CCDC14: variants seen among roughly 807,000 people sequenced by gnomAD.
CCDC14 encodes the protein coiled-coil domain-containing protein 14.
In CCDC14, 71 loss-of-function variants were observed where a neutral mutation model predicts 81.4. The observed-to-expected ratio is 0.87, with a 90% CI of 0.72 to 1.06. CCDC14 has a LOEUF of 1.06. CCDC14 is among the 50% of genes least tolerant of loss of function. The pLI is 0.00. For synonymous variants in CCDC14, 332 were observed against 364.8 expected (o/e 0.91, Z 1.03); for missense variants, 1,046 against 1,047.3 (o/e 1.00, Z 0.02).
downstream of CCDC14, among the ~76,000 whole-genome samples, chr3:123,896,879 T>C (rs934961712): frequency 6.6e-6 from 1 of 152,296 alleles, no homozygotes; most frequent in African/African-American, 2.4e-5. Flanking sequence ...TATATAAGAA[T>C]AAGATAATAG....
chr3:123,895,763 A>AT (rs1430237657), downstream of CCDC14, among the ~76,000 whole-genome samples: 1 of 152,212 alleles, frequency 6.6e-6, no homozygotes, highest in East Asian at 1.9e-4. Flanking sequence ...AAGGCTAATT[A>AT]TTTGTTTAGA....
At chr3:123,940,117 C>T (rs988013174) in intron 9 of CCDC14, among the ~76,000 whole-genome samples, 10 of 151,208 alleles carry the variant, frequency 6.6e-5, no homozygotes, top group African/African-American at 2.4e-4. Context: ...AATTTAGTAG[C>T]AATTAAAACA....
chr3:123,935,253 T>A (rs1047560319), intron 9 of CCDC14, among the ~76,000 whole-genome samples: 1 of 152,048 alleles, frequency 6.6e-6, no homozygotes, highest in Non-Finnish European at 1.5e-5. Context: ...TTGACAAAAA[T>A]AAAAAGAAAT....
At chr3:123,902,117 T>TA (rs1340902416) in intron 5 of CCDC14, among the ~76,000 whole-genome samples, 11 of 152,108 alleles carry the variant, frequency 7.2e-5, no homozygotes, top group Non-Finnish European at 1.0e-4. Context: ...ATAATGATAC[T>TA]AAAAAAACCA....
At chr3:123,953,639 T>G (rs771218263) in intron 5 of CCDC14, 6 of 152,154 alleles carry the variant, frequency 3.9e-5, no homozygotes, top group African/African-American at 7.2e-5. Flanking sequence ...TTGGGTTCAA[T>G]CCAATGGGAG....
chr3:123,891,175 A>C, the CCDC14 span, among the ~76,000 whole-genome samples: 3 of 152,290 alleles, frequency 2.0e-5, no homozygotes, highest in Admixed American at 2.0e-4. Flanking sequence ...CTGGTCCATG[A>C]AACCACGTTT....
At chr3:123,893,334 T>A (rs1236283485), downstream of CCDC14, among the ~76,000 whole-genome samples, 2 of 152,202 alleles carry the variant, frequency 1.3e-5, no homozygotes, top group Non-Finnish European at 2.9e-5. Flanking sequence ...CATATAATAT[T>A]TATCCTTTTG....
rs562436933 is a variant in CCDC14 at position 123,957,425 on chromosome 3, G to A, written c.31-630C>T. The A allele has an allele frequency of 2.0e-5, 3 of 152,178 alleles. No homozygotes were observed. The East Asian group carries it at 5.8e-4, about 29-fold the overall frequency. The allele number at this position is 152,178 out of a possible 1,614,324, so 9.4% of individuals were successfully genotyped here. On this transcript the variant is annotated intron_variant, in intron 1 of 12. Transcript: ENST00000409697. Reference sequence around the variant, plus strand: ...AAGTTAATTCATGATATAGGACAGAGTTCTTAACTCTGGTTCCTTTTATGT... The same window carrying A: ...AAGTTAATTCATGATATAGGACAGAATTCTTAACTCTGGTTCCTTTTATGT...
At position 123,897,606 on chromosome 3, in the gene CCDC14, TA is replaced by T; in HGVS notation, c.674del (p.Phe225LeufsTer6). ...TGCAGAACATTTAAGTCCACAGTTT[TA>T]AAAAGTCTGAAAGAATAGAAATGAC... On this transcript the variant is annotated frameshift_variant, in exon 6 of 6. Coordinates refer to the CCDC14 transcript ENST00000479903. LOFTEE classifies it low-confidence loss of function (END_TRUNC). 2 of 1,194,806 alleles carry T rather than the reference TA, an allele frequency of 1.7e-6. No individual in the cohort carries two copies. The highest frequency in any genetic ancestry group is 2.2e-6 in the Non-Finnish European group (2 of 929,448). The allele number at this position is 1,194,806 out of a possible 1,614,324, so 74.0% of individuals were successfully genotyped here. A position where few individuals can be genotyped will look rare whatever the true frequency, so the allele number is the denominator to read the frequency against.
Position 123,947,172 on chromosome 3 carries a change from A to T in CCDC14, c.832T>A (p.Leu278Met). The T allele has an allele frequency of 6.2e-7, 1 of 1,613,944 alleles. No homozygotes were observed. The highest frequency in any genetic ancestry group is 8.5e-7 in the Non-Finnish European group (1 of 1,179,872). Residue 278 changes from leucine (L) to methionine (M), a missense_variant, in exon 8 of 13, where the codon TTG becomes ATG. Physicochemically the swap from Leu to Met is conservative, Grantham distance 15. Transcript: ENST00000409697. ...PKTDISAIPTLQQLGLVNGIL... is the reference protein window; with the variant it reads ...PKTDISAIPTMQQLGLVNGIL... ...CCATTAACAAGGCCCAGTTGCTGCA[A>T]TGTTGGAATAGCTGATATGTCAGTT... is the stretch of plus-strand genomic sequence containing the variant.
intron 10 of CCDC14, chr3:123,933,378 A>T (rs1006486679): frequency 3.5e-6 from 1 of 283,250 alleles, no homozygotes; most frequent in Non-Finnish European, 6.6e-6. Context: ...TCTCATTTTT[A>T]AAAAAGTACA....
intron 9 of CCDC14, among the ~76,000 whole-genome samples, chr3:123,942,394 A>C (rs1407130214): frequency 6.6e-6 from 1 of 152,060 alleles, no homozygotes; most frequent in Non-Finnish European, 1.5e-5. Context: ...TTAAAAATTT[A>C]TGCTGGTAAT....
At position 123,933,756 on chromosome 3, in the gene CCDC14, C is replaced by A. The variant is rs1227521011; in HGVS notation, c.1344-1G>T. The A allele has an allele frequency of 1.3e-6, 2 of 1,558,692 alleles. No homozygotes were observed. Among genetic ancestry groups the A allele is most frequent in the Non-Finnish European group, 1.7e-6 (2 of 1,148,736 alleles). The stretch of plus-strand genomic sequence containing the variant: ...TTGCTGGTTCAAAATTCTCAACTGC[C>A]TAAAGAAATAATGAAGAACTATGAA... On this transcript the variant is annotated splice_acceptor_variant, in intron 9 of 12. Transcript: ENST00000409697. LOFTEE classifies it high-confidence loss of function.
chr3:123,943,265 G>C (rs2036455568), intron 9 of CCDC14, among the ~76,000 whole-genome samples: 3 of 151,864 alleles, frequency 2.0e-5, no homozygotes, highest in Admixed American at 2.0e-4. Flanking sequence ...TTGGCCTTTT[G>C]TCCCTGGTTC....
At chr3:123,919,924 T>C (rs2034942881) in intron 12 of CCDC14, among the ~76,000 whole-genome samples, 1 of 152,096 alleles carries the variant, frequency 6.6e-6, no homozygotes, top group Admixed American at 6.6e-5. Context: ...TAATGGACTC[T>C]AAAGAAATGA....
intron 5 of CCDC14, among the ~76,000 whole-genome samples, chr3:123,906,068 G>A (rs1033841283): frequency 2.6e-5 from 4 of 152,182 alleles, no homozygotes; most frequent in Admixed American, 6.5e-5. Context: ...CAGTGCTCAC[G>A]CCTGTAATCC....
intron 1 of CCDC14, among the ~76,000 whole-genome samples, chr3:123,960,708 G>A (rs2037630355): frequency 6.6e-6 from 1 of 152,202 alleles, no homozygotes; most frequent in African/African-American, 2.4e-5. Flanking sequence ...TGTGATCGAT[G>A]TTTTTACCGG....
intron 5 of CCDC14, among the ~76,000 whole-genome samples, chr3:123,906,001 G>C (rs1047374609): frequency 3.3e-5 from 5 of 152,204 alleles, no homozygotes; most frequent in African/African-American, 1.2e-4. Flanking sequence ...TTTATCTGCA[G>C]AATAGGGATA....
rs755679559 is a variant in CCDC14, at chr3:123,948,652, A to G, written c.684+39T>C. On this transcript the variant is annotated intron_variant, in intron 7 of 12. Transcript: ENST00000409697. Reference sequence around the variant, plus strand: ...CAGTCCCTCCTGAATGACTGCTATAAGCAAATAGTTACTTATGTAGTATAA... The same window carrying G: ...CAGTCCCTCCTGAATGACTGCTATAGGCAAATAGTTACTTATGTAGTATAA... 24 of 1,443,618 alleles carry G rather than the reference A, an allele frequency of 1.7e-5. No homozygotes were observed. The South Asian group carries it at 2.0e-4, about 12-fold the overall frequency. 89.4% of individuals were successfully genotyped at this position (1,443,618 alleles called of 1,614,324 possible).
Sources: gnomAD v4.1 joint callset for allele counts (sites outside exome capture counted in the v4.1 genomes callset) on GRCh38, gnomAD v4.1.1 for gene constraint, MANE v1.5 for transcripts, NCBI Gene and HGNC (gene_info 2026-07-23, HGNC 2026-07-21) for gene names.